The following PKHD1 variants were observed in gnomAD, a reference collection of about 807,000 sequenced individuals.
The protein encoded by PKHD1 is fibrocystin.
Under a neutral mutation model 412.0 loss-of-function variants are expected in PKHD1, and 291 were observed. The ratio of observed to expected loss-of-function variants is 0.71; its 90% CI spans 0.64 to 0.78. The LOEUF (loss-of-function observed/expected upper bound fraction) is 0.78. Ranked by LOEUF, PKHD1 falls within the 30% of genes least tolerant of loss-of-function variation. The probability of loss-of-function intolerance (pLI) is 0.00; values close to 1 mark genes in which losing one functional copy is unlikely to be tolerated. For synonymous variants in PKHD1, 1,777 were observed against 1,821.5 expected (o/e 0.98, Z 0.62); for missense variants, 4,825 against 4,950.7 (o/e 0.97, Z 0.76).
intron 51 of PKHD1, 64 bp from the exon 52 acceptor site, chr6:51,831,053 AT>A: frequency 8.0e-7 from 1 of 1,252,594 alleles, no homozygotes; most frequent in South Asian, 1.2e-5. Context: ...TTCTATCCTT[AT>A]TTTAGGATGC....
chr6:51,936,284 C>T, intron 36 of PKHD1, among the ~76,000 whole-genome samples: 1 of 152,100 alleles, frequency 6.6e-6, no homozygotes, highest in East Asian at 1.9e-4. Context: ...TGTTCTTACA[C>T]TTAATTTATA....
chr6:51,655,708 G>A (rs1020333996), intron 61 of PKHD1, among the ~76,000 whole-genome samples: 2 of 152,150 alleles, frequency 1.3e-5, no homozygotes, highest in South Asian at 4.1e-4. Context: ...GTTTACTGAA[G>A]AGTTCACTTC....
chr6:51,969,267 T>C (rs1018469486), intron 35 of PKHD1, among the ~76,000 whole-genome samples: 17 of 152,300 alleles, frequency 1.1e-4, no homozygotes, highest in African/African-American at 3.8e-4. Context: ...TCACAATGAA[T>C]TGACTTTCAC....
chr6:51,947,877 T>C (rs774005053), intron 36 of PKHD1, among the ~76,000 whole-genome samples: 4 of 152,130 alleles, frequency 2.6e-5, no homozygotes, highest in Non-Finnish European at 4.4e-5. Context: ...CATAGTTTCT[T>C]AACTATGAGT....
chr6:51,719,115 T>A (rs1582261634), intron 60 of PKHD1, among the ~76,000 whole-genome samples: 1 of 122,098 alleles, frequency 8.2e-6, no homozygotes, highest in Non-Finnish European at 1.7e-5. Context: ...CATATATAAA[T>A]ATATTTAGTT....
chr6:52,058,675 T>TGA, intron 15 of PKHD1, 74 bp from the exon 16 acceptor site: 1 of 1,436,506 alleles, frequency 7.0e-7, no homozygotes, highest in Non-Finnish European at 9.7e-7. Flanking sequence ...ACTAAGTGTC[T>TGA]GAACTGCTAC....
Position 52,024,551 on chromosome 6 carries a change from GCTGT to G in PKHD1, c.5236+19_5236+22del. ...CAATTCATTTACATAAAGAAAGTGT[GCTGT>G]CTTATTTGCTTGACTTACCGAAGTT... On this transcript the variant is annotated intron_variant, in intron 32 of 66. Transcript: ENST00000371117. 1 of 1,602,302 alleles carries G rather than the reference GCTGT, an allele frequency of 6.2e-7. No homozygotes were observed. The highest frequency in any genetic ancestry group is 8.5e-7 in the Non-Finnish European group (1 of 1,169,808).
chr6:51,660,521 G>A (rs137876873), intron 60 of PKHD1, among the ~76,000 whole-genome samples: 78 of 152,230 alleles, frequency 5.1e-4, no homozygotes, highest in African/African-American at 1.9e-3. Context: ...GATGCCAATT[G>A]CAAGTCCTAG....
At chr6:51,743,372 G>T (rs966963644) in intron 60 of PKHD1, among the ~76,000 whole-genome samples, 1 of 152,114 alleles carries the variant, frequency 6.6e-6, no homozygotes, top group African/African-American at 2.4e-5. Flanking sequence ...CCTAATGAAT[G>T]GTGGCACCAA....
chr6:52,075,240 A>G lies in PKHD1; in HGVS notation c.448+1036T>C, dbSNP rs534582513. Among the ~76,000 whole-genome samples, 8 of 152,380 alleles carry G rather than the reference A, an allele frequency of 5.3e-5. No homozygotes were observed. The East Asian group carries it at 1.5e-3, about 29-fold the overall frequency. ...TGAAATATAATTTAAATTCACTCAT[A>G]CATAATCTGTGTCTATACACACAAA... On this transcript the variant is annotated intron_variant, in intron 6 of 66. Transcript: ENST00000371117.
At chr6:51,952,654 T>C (rs539384505) in intron 36 of PKHD1, among the ~76,000 whole-genome samples, 23 of 152,100 alleles carry the variant, frequency 1.5e-4, no homozygotes, top group Non-Finnish European at 3.1e-4. Flanking sequence ...GCTTTGAATA[T>C]CAGCAAAGTT....
At chr6:51,836,998 T>G (rs942981311) in intron 50 of PKHD1, among the ~76,000 whole-genome samples, 2 of 152,340 alleles carry the variant, frequency 1.3e-5, no homozygotes, top group South Asian at 2.1e-4. Flanking sequence ...TCATTAATTT[T>G]AAGCGTTCAA....
At position 52,058,748 on chromosome 6, in the gene PKHD1, T is replaced by C. The variant is rs577504182; in HGVS notation, c.1234-147A>G. 2.9e-5 allele frequency: 21 copies of C among 714,342 alleles called. No individual in the cohort carries two copies. The African/African-American group carries it at 3.5e-4, about 12-fold the overall frequency. 44.3% of individuals were successfully genotyped at this position (714,342 alleles called of 1,614,324 possible). ...TATTAACCCAGTTACCTCAGCCCTG[T>C]GGTTATTTATGCTTCTCCAGCTCTC... On this transcript the variant is annotated intron_variant, in intron 15 of 66. Transcript: ENST00000371117.
At chr6:51,997,093 A>T (rs1410744337) in intron 35 of PKHD1, among the ~76,000 whole-genome samples, 1 of 152,242 alleles carries the variant, frequency 6.6e-6, no homozygotes, top group Non-Finnish European at 1.5e-5. Flanking sequence ...TCTGGGGAAG[A>T]AATTTCCTTC....
chr6:52,014,481 A>T (rs1800206647), intron 34 of PKHD1, among the ~76,000 whole-genome samples: 1 of 152,212 alleles, frequency 6.6e-6, no homozygotes, highest in South Asian at 2.1e-4. Context: ...TGTGATCAAT[A>T]CTGGATAGAT....
At chr6:51,736,708 T>C (rs1036312272) in intron 60 of PKHD1, among the ~76,000 whole-genome samples, 3 of 152,198 alleles carry the variant, frequency 2.0e-5, no homozygotes, top group East Asian at 1.9e-4. Flanking sequence ...CAAGCACAGA[T>C]ATTGGCAGAC....
rs1583203255 is a variant in PKHD1, at chr6:51,887,179, CT to C, written c.7062del (p.Ala2355LeufsTer60). On this transcript the variant is annotated frameshift_variant, in exon 44 of 67. Coordinates refer to ENST00000371117, the MANE Select transcript of PKHD1 (RefSeq NM_138694.4). LOFTEE classifies it high-confidence loss of function. ...TTCTGAGTGAAGGAAAGAAGCGGAG[CT>C]TGTGATGTTTGGTTGGTCATGAGAT... is the stretch of plus-strand genomic sequence containing the variant. ...FFHLMTNQTS[Q>X]APLLSFTQNI... 1 of 1,613,396 alleles carries C rather than the reference CT, an allele frequency of 6.2e-7. No homozygotes were observed. Among genetic ancestry groups the C allele is most frequent in the Non-Finnish European group, 8.5e-7 (1 of 1,179,358 alleles).
In PKHD1 at chr6:52,073,627, A is replaced by G. The variant is rs550037235; in HGVS notation, c.449-86T>C. 2.3e-5 allele frequency: 19 copies of G among 822,044 alleles called. No homozygotes were observed. In the East Asian group the frequency reaches 3.9e-4, roughly 17 times the overall value. The allele number at this position is 822,044 out of a possible 1,614,324, so 50.9% of individuals were successfully genotyped here. ...AAACCATGTTTCTTTTTGGTTGTAT[A>G]TACTCAATATGGCAAAGCAGGTCAT... On this transcript the variant is annotated intron_variant, in intron 6 of 66. Coordinates refer to ENST00000371117, the MANE Select transcript of PKHD1 (RefSeq NM_138694.4).
intron 35 of PKHD1, among the ~76,000 whole-genome samples, chr6:51,971,881 C>A (rs2127993894): frequency 6.6e-6 from 1 of 152,192 alleles, no homozygotes; most frequent in East Asian, 1.9e-4. Context: ...CAGGCATGCA[C>A]CACCACACCC....
Sources: gnomAD v4.1 joint callset for allele counts (sites outside exome capture counted in the v4.1 genomes callset) on GRCh38, gnomAD v4.1.1 for gene constraint, MANE v1.5 for transcripts, NCBI Gene and HGNC (gene_info 2026-07-23, HGNC 2026-07-21) for gene names.